MYO1E: variants seen among roughly 807,000 people sequenced by gnomAD.
MYO1E encodes the protein unconventional myosin-Ie.
A neutral mutation model predicts 151.1 loss-of-function variants in MYO1E; 68 were observed. The ratio of observed to expected loss-of-function variants is 0.45; its 90% CI spans 0.37 to 0.55. The LOEUF is 0.55. MYO1E is among the 20% of genes least tolerant of loss of function. The probability of loss-of-function intolerance (pLI) is 0.00; values close to 1 mark genes in which losing one functional copy is unlikely to be tolerated. For synonymous variants in MYO1E, 601 were observed against 501.7 expected, an observed-to-expected ratio of 1.20 and a Z score of -2.64; for missense variants, 1,363 against 1,389.3, an observed-to-expected ratio of 0.98 and a Z score of 0.30.
At chr15:59,261,210 AAAT>A (rs1348591216) in intron 3 of MYO1E, among the ~76,000 whole-genome samples, 1 of 151,580 alleles carries the variant, frequency 6.6e-6, no homozygotes, top group African/African-American at 2.4e-5. Context: ...GTCTCAAAAA[AAAT>A]AATAATAATA....
chr15:59,223,528 C>A (rs1370556111), intron 8 of MYO1E, among the ~76,000 whole-genome samples: 14 of 152,154 alleles, frequency 9.2e-5, no homozygotes, highest in Admixed American at 9.2e-4. Context: ...AGGAAAGAGA[C>A]TCGGAAGAGT....
intron 1 of MYO1E, among the ~76,000 whole-genome samples, chr15:59,293,414 C>T (rs1258107600): frequency 1.3e-5 from 2 of 151,940 alleles, no homozygotes; most frequent in Non-Finnish European, 2.9e-5. Context: ...GGCGTGGTGG[C>T]AGGCACCTGT....
At chr15:59,362,009 G>A (rs1362500130) in intron 1 of MYO1E, among the ~76,000 whole-genome samples, 4 of 151,726 alleles carry the variant, frequency 2.6e-5, no homozygotes, top group Admixed American at 2.0e-4. Context: ...GCTAATTTTT[G>A]TATTTTTAAT....
chr15:59,329,909 T>C (rs2080688253), intron 1 of MYO1E, among the ~76,000 whole-genome samples: 1 of 152,184 alleles, frequency 6.6e-6, no homozygotes, highest in South Asian at 2.1e-4. Flanking sequence ...AAAAAACTTC[T>C]CTCTTTTAAA....
At chr15:59,160,685 C>T (rs2079533173) in intron 24 of MYO1E, among the ~76,000 whole-genome samples, 1 of 151,890 alleles carries the variant, frequency 6.6e-6, no homozygotes, top group African/African-American at 2.4e-5. Flanking sequence ...TCCCAAGGTG[C>T]TGGGATTATA....
chr15:59,370,131 T>C (rs1311824999), intron 1 of MYO1E, among the ~76,000 whole-genome samples: 1 of 152,204 alleles, frequency 6.6e-6, no homozygotes, highest in East Asian at 1.9e-4. Context: ...TTCTGATGAA[T>C]TTTAGCCTCC....
intron 26 of MYO1E, among the ~76,000 whole-genome samples, chr15:59,151,768 G>C (rs1323814933): frequency 7.3e-5 from 11 of 151,598 alleles, no homozygotes; most frequent in Admixed American, 7.2e-4. Flanking sequence ...AAAAAATTAG[G>C]CTGGGTGCGG....
intron 1 of MYO1E, among the ~76,000 whole-genome samples, chr15:59,307,789 T>C (rs2080523760): frequency 1.3e-5 from 2 of 151,802 alleles, no homozygotes; most frequent in Non-Finnish European, 2.9e-5. Context: ...TTTCTATCTT[T>C]AGTAGAGGTG....
chr15:59,271,275 A>G (rs189966858), intron 2 of MYO1E: 2 of 152,350 alleles, frequency 1.3e-5, no homozygotes. Context: ...ATAATAAGCC[A>G]CTGATGTGAA....
intron 1 of MYO1E, among the ~76,000 whole-genome samples, chr15:59,371,564 G>A (rs1386138967): frequency 6.6e-6 from 1 of 152,092 alleles, no homozygotes; most frequent in East Asian, 1.9e-4. Flanking sequence ...GGAGGGGAGT[G>A]TAGCTGGACT....
chr15:59,205,833 T>C (rs1328106324), intron 14 of MYO1E, among the ~76,000 whole-genome samples: 6 of 152,198 alleles, frequency 3.9e-5, no homozygotes, highest in African/African-American at 1.4e-4. Flanking sequence ...CTAAGTGACA[T>C]ACTCAATACT....
At chr15:59,288,231 A>G (rs2080398651) in intron 1 of MYO1E, among the ~76,000 whole-genome samples, 1 of 152,128 alleles carries the variant, frequency 6.6e-6, no homozygotes, top group Admixed American at 6.5e-5. Flanking sequence ...GCTAGAGTGC[A>G]GTGGTGTGAT....
In MYO1E at chr15:59,289,752, T is replaced by C. The variant is rs777545739; in HGVS notation, c.4-17303A>G. ...TCAAGGTGTTCCTTCTGCCAGTAAC[T>C]CTCTCCTGCCAGAATCACTAAAACT... On this transcript the variant is annotated intron_variant, in intron 1 of 27. Transcript: ENST00000288235. 2.6e-4 allele frequency among the ~76,000 whole-genome samples: 40 copies of C among 152,128 alleles called. 1 individual carries two copies. The highest frequency in any genetic ancestry group is 4.4e-4 in the Non-Finnish European group (30 of 68,020).
chr15:59,169,761 C>A (rs1000029351), intron 22 of MYO1E, among the ~76,000 whole-genome samples: 5 of 152,106 alleles, frequency 3.3e-5, no homozygotes, highest in Non-Finnish European at 7.4e-5. Context: ...AAACAAAAAA[C>A]AATAAAAGGA....
intron 1 of MYO1E, among the ~76,000 whole-genome samples, chr15:59,278,768 C>A (rs751726399): frequency 6.6e-6 from 1 of 152,150 alleles, no homozygotes; most frequent in Non-Finnish European, 1.5e-5. Flanking sequence ...CACTCTCAAC[C>A]CCTTACACTC....
chr15:59,166,754 T>C (rs1365033013), intron 22 of MYO1E, among the ~76,000 whole-genome samples: 2 of 152,178 alleles, frequency 1.3e-5, no homozygotes, highest in African/African-American at 4.8e-5. Flanking sequence ...AGAACCTTCT[T>C]AACTTCTCTG....
At chr15:59,304,703 C>T (rs1056395060) in intron 1 of MYO1E, among the ~76,000 whole-genome samples, 1 of 152,198 alleles carries the variant, frequency 6.6e-6, no homozygotes, top group Non-Finnish European at 1.5e-5. Context: ...GCCCGGGAAT[C>T]AGGCTCTTGG....
chr15:59,288,494 G>A (rs2080400486), intron 1 of MYO1E, among the ~76,000 whole-genome samples: 1 of 152,146 alleles, frequency 6.6e-6, no homozygotes, highest in Admixed American at 6.5e-5. Flanking sequence ...GTGCTTTTGA[G>A]TACATTAAAA....
chr15:59,163,137 G>T lies in MYO1E; in HGVS notation c.2627+20C>A. ...CTTTTTAGCTACACGCAGAAGTCTG[G>T]GTCCCAGATCCGGACTTACGTATTG... On this transcript the variant is annotated intron_variant, in intron 23 of 27. Coordinates refer to ENST00000288235, the MANE Select transcript of MYO1E (RefSeq NM_004998.4). 1 of 1,613,652 alleles carries T rather than the reference G, an allele frequency of 6.2e-7. No homozygotes were observed.
Sources: allele counts gnomAD v4.1 joint callset (sites outside exome capture counted in the v4.1 genomes callset), GRCh38; gene constraint gnomAD v4.1.1; transcripts MANE v1.5; gene names NCBI Gene and HGNC (gene_info 2026-07-23, HGNC 2026-07-21).